RADX: variants seen among roughly 807,000 people sequenced by gnomAD.
RADX encodes the protein RPA-related protein RADX.
A neutral mutation model predicts 61.6 loss-of-function variants in RADX; 36 were observed. The observed-to-expected ratio is 0.58, with a 90% CI of 0.45 to 0.77. RADX has a LOEUF of 0.77. RADX is among the 30% of genes least tolerant of loss of function. The pLI, the probability that RADX is intolerant of heterozygous loss-of-function variation, is 0.00. For missense variants in RADX, 497 were observed against 651.1 expected, an observed-to-expected ratio of 0.76 and a Z score of 2.58; for synonymous variants, 272 against 237.9, an observed-to-expected ratio of 1.14 and a Z score of -1.32.
At chrX:106,614,976 C>T (rs1432270098) in intron 1 of RADX, among the ~76,000 whole-genome samples, 2 of 111,539 alleles carry the variant, frequency 1.8e-5, no homozygotes, top group African/African-American at 6.5e-5. Context: ...AAAAGTCTCC[C>T]TCATGCCTCC....
In RADX at chrX:106,622,808, A is replaced by C. The variant is rs1042552515; in HGVS notation, c.786+15A>C. 8.7e-6 allele frequency: 9 copies of C among 1,030,364 alleles called. No individual in the cohort carries two copies. The highest frequency in any genetic ancestry group is 1.2e-5 in the Non-Finnish European group (9 of 757,963). 84.9% of individuals were successfully genotyped at this position (1,030,364 alleles called of 1,213,427 possible). On this transcript the variant is annotated intron_variant, in intron 2 of 13. Transcript: ENST00000372548. ...AACCATATCAGGTACAAGTAATAAG[A>C]TATCATATGTTAATTTAAAAGTTAT...
In RADX at chrX:106,679,433, A is replaced by G. The variant is rs1412357610; in HGVS notation, c.*1175A>G. ...TTGAGTGAATTATTAAAGAAGTTAA[A>G]ATGCAATAACTTTTTGGTCTCCTGT... On this transcript the variant is annotated 3_prime_UTR_variant, in exon 14 of 14. Transcript: ENST00000372548. 1 of 112,188 alleles carries G rather than the reference A, an allele frequency of 8.9e-6. No homozygotes were observed. Among genetic ancestry groups the G allele is most frequent in the Non-Finnish European group, 1.9e-5 (1 of 53,235 alleles). 9.2% of individuals were successfully genotyped at this position (112,188 alleles called of 1,213,427 possible). A position where few individuals can be genotyped will look rare whatever the true frequency, so the allele number is the denominator to read the frequency against.
intron 1 of RADX, among the ~76,000 whole-genome samples, chrX:106,619,310 A>G (rs1390506293): frequency 8.9e-6 from 1 of 111,815 alleles, no homozygotes; most frequent in African/African-American, 3.3e-5. Context: ...ACTCCACTTG[A>G]TCATGGCACA....
In RADX at chrX:106,646,640, A is replaced by G. The variant is rs181749636; in HGVS notation, c.1905-1673A>G. Among the ~76,000 whole-genome samples, 266 of 111,058 alleles carry G rather than the reference A, an allele frequency of 2.4e-3. 3 individuals carry two copies. Among genetic ancestry groups the G allele is most frequent in the African/African-American group, 8.4e-3 (258 of 30,674 alleles). On this transcript the variant is annotated intron_variant, in intron 10 of 13. Transcript: ENST00000372548. ...TTGTAGGAAATTATGCTGGAGCTAAATCCTGAAGGATGAGTAAGAGTTAAC... is the reference window on the plus strand; with the variant it reads ...TTGTAGGAAATTATGCTGGAGCTAAGTCCTGAAGGATGAGTAAGAGTTAAC...
At chrX:106,631,728 A>G (rs1569424195) in intron 3 of RADX, among the ~76,000 whole-genome samples, 1 of 105,964 alleles carries the variant, frequency 9.4e-6, no homozygotes, top group African/African-American at 3.5e-5. Context: ...AAAGAAGGAA[A>G]GAAAGAAGGA....
chrX:106,626,462 G>T (rs1270849293), intron 3 of RADX, among the ~76,000 whole-genome samples: 1 of 111,774 alleles, frequency 8.9e-6, no homozygotes, highest in Non-Finnish European at 1.9e-5. Flanking sequence ...ATTAGTTTTT[G>T]CTATAGAAAG....
chrX:106,636,874 C>A (rs1308267090), intron 7 of RADX, among the ~76,000 whole-genome samples: 2 of 111,528 alleles, frequency 1.8e-5, no homozygotes, highest in Non-Finnish European at 3.8e-5. Context: ...TGGAAAATTG[C>A]ATTTATATCC....
intron 3 of RADX, 63 bp from the exon 4 acceptor site, chrX:106,632,562 T>C (rs1237866647): frequency 1.4e-6 from 1 of 730,324 alleles, no homozygotes; most frequent in Non-Finnish European, 2.0e-6. Context: ...TTTTAATATA[T>C]ATTCATGTAT....
At chrX:106,673,281 A>T (rs1233133427) in intron 13 of RADX, among the ~76,000 whole-genome samples, 1 of 110,920 alleles carries the variant, frequency 9.0e-6, no homozygotes, top group Non-Finnish European at 1.9e-5. Context: ...AAGATCCTTG[A>T]CATAGTACCT....
intron 11 of RADX, among the ~76,000 whole-genome samples, chrX:106,659,149 T>C (rs1399352790): frequency 1.8e-5 from 2 of 110,946 alleles, no homozygotes; most frequent in Non-Finnish European, 3.8e-5. Flanking sequence ...ACTATTATTA[T>C]TATTATTACT....
chrX:106,656,691 C>T (rs1179705451), intron 11 of RADX, among the ~76,000 whole-genome samples: 1 of 111,784 alleles, frequency 8.9e-6, no homozygotes, highest in Non-Finnish European at 1.9e-5. Context: ...GTCATCAGAG[C>T]TCCTGAGTGA....
chrX:106,640,042 G>C (rs1413008997), intron 9 of RADX: 2 of 120,641 alleles, frequency 1.7e-5, no homozygotes, highest in African/African-American at 6.6e-5. Context: ...AGGCTATTGT[G>C]GGTGTTTTAA....
At chrX:106,662,561 C>G (rs1928126031) in intron 12 of RADX, among the ~76,000 whole-genome samples, 1 of 110,059 alleles carries the variant, frequency 9.1e-6, no homozygotes, top group African/African-American at 3.3e-5. Flanking sequence ...TTCCTCATTC[C>G]TGACTATCAG....
chrX:106,622,441 G>T (rs1926975063), intron 1 of RADX, among the ~76,000 whole-genome samples: 1 of 110,276 alleles, frequency 9.1e-6, no homozygotes, highest in South Asian at 3.9e-4. Context: ...TATGTTCCAG[G>T]CACATAGTAA....
At chrX:106,667,375 G>T (rs1158135129) in intron 12 of RADX, among the ~76,000 whole-genome samples, 1 of 111,210 alleles carries the variant, frequency 9.0e-6, no homozygotes, top group East Asian at 2.8e-4. Flanking sequence ...GGAGTACAGT[G>T]CTACAATCTT....
intron 13 of RADX, among the ~76,000 whole-genome samples, chrX:106,675,776 A>G (rs993344952): frequency 8.9e-6 from 1 of 112,453 alleles, no homozygotes; most frequent in African/African-American, 3.2e-5. Flanking sequence ...TTTATTAGGT[A>G]AAATCTATAG....
At chrX:106,670,093 G>A (rs1386961803) in intron 13 of RADX, among the ~76,000 whole-genome samples, 5 of 111,577 alleles carry the variant, frequency 4.5e-5, no homozygotes, top group African/African-American at 1.3e-4. Context: ...TTTTGAACAA[G>A]TCTTATGAGC....
chrX:106,675,118 A>G (rs1273144201), intron 13 of RADX, among the ~76,000 whole-genome samples: 2 of 111,870 alleles, frequency 1.8e-5, no homozygotes, highest in Non-Finnish European at 3.8e-5. Flanking sequence ...GATTACTGAT[A>G]TGATATCCTA....
intron 13 of RADX, among the ~76,000 whole-genome samples, chrX:106,674,270 C>G (rs955840778): frequency 2.7e-5 from 3 of 111,431 alleles, no homozygotes; most frequent in Admixed American, 1.9e-4. Context: ...CCTCCAATCC[C>G]TCAACTTGAT....
Sources: gnomAD v4.1 joint callset for allele counts (sites outside exome capture counted in the v4.1 genomes callset) on GRCh38, gnomAD v4.1.1 for gene constraint, MANE v1.5 for transcripts, NCBI Gene and HGNC (gene_info 2026-07-23, HGNC 2026-07-21) for gene names.